GRB2: variants seen among roughly 807,000 people sequenced by gnomAD.
GRB2 encodes the protein growth factor receptor bound protein 2.
In GRB2, 2 loss-of-function variants were observed where a neutral mutation model predicts 27.4. The observed-to-expected ratio is 0.07, with a 90% CI of 0.03 to 0.23. The LOEUF (loss-of-function observed/expected upper bound fraction) is 0.23. Ranked by LOEUF, GRB2 falls within the 10% of genes least tolerant of loss-of-function variation. The pLI is 1.00. For synonymous variants in GRB2, 94 were observed against 99.6 expected, an observed-to-expected ratio of 0.94 and a Z score of 0.33; for missense variants, 102 against 282.4, an observed-to-expected ratio of 0.36 and a Z score of 4.58.
Position 75,332,738 on chromosome 17 carries a change from G to A in GRB2, c.138C>T (p.Gly46=), listed in dbSNP as rs1391676629. ...WYKAELNGKD[G]FIPKNYIEMK... ...TTTCTATGTAGTTCTTGGGAATGAA[G>A]CCGTCTTTTCCATTAAGCTCTGCCT... The change falls in exon 3 of 6, where the codon GGC becomes GGT. Residue 46 remains glycine, a synonymous_variant. Coordinates refer to ENST00000316804, the MANE Select transcript of GRB2 (RefSeq NM_002086.5). 8 of 1,611,540 alleles carry A rather than the reference G, an allele frequency of 5.0e-6. No individual in the cohort carries two copies. The highest frequency in any genetic ancestry group is 6.8e-6 in the Non-Finnish European group (8 of 1,178,186).
intron 2 of GRB2, among the ~76,000 whole-genome samples, chr17:75,349,108 C>T (rs992446807): frequency 1.3e-5 from 2 of 152,214 alleles, no homozygotes; most frequent in Non-Finnish European, 2.9e-5. Flanking sequence ...CAGCTTATAA[C>T]AGGTGAGAGG....
chr17:75,339,866 C>T (rs542348341), intron 2 of GRB2, among the ~76,000 whole-genome samples: 21 of 152,186 alleles, frequency 1.4e-4, no homozygotes, highest in Middle Eastern at 3.4e-3. Flanking sequence ...TGACCTCAGG[C>T]GATCCACCCG....
chr17:75,330,610 G>T (rs564633257), intron 3 of GRB2, among the ~76,000 whole-genome samples: 5 of 152,112 alleles, frequency 3.3e-5, no homozygotes. Flanking sequence ...GCAGGCGGAG[G>T]TTGCAGTGAG....
intron 4 of GRB2, 45 bp from the exon 5 acceptor site, chr17:75,321,872 T>C: frequency 6.3e-7 from 1 of 1,595,908 alleles, no homozygotes; most frequent in Non-Finnish European, 8.5e-7. Flanking sequence ...AGGCTCTAAC[T>C]TGGCAAATCG....
At chr17:75,323,832 T>C (rs1489732973) in intron 4 of GRB2, among the ~76,000 whole-genome samples, 1 of 151,580 alleles carries the variant, frequency 6.6e-6, no homozygotes, top group Non-Finnish European at 1.5e-5. Context: ...TAAAGATGGA[T>C]GGAGTCTTGC....
intron 3 of GRB2, among the ~76,000 whole-genome samples, chr17:75,331,480 C>T: frequency 6.6e-6 from 1 of 152,150 alleles, no homozygotes; most frequent in East Asian, 1.9e-4. Flanking sequence ...ACCCGAAACA[C>T]TGAAGAAAAA....
At chr17:75,339,909 G>A (rs980986369) in intron 2 of GRB2, among the ~76,000 whole-genome samples, 2 of 152,156 alleles carry the variant, frequency 1.3e-5, no homozygotes, top group African/African-American at 2.4e-5. Flanking sequence ...GATTACAGGC[G>A]TTAGCCACGG....
At chr17:75,331,027 A>C (rs1249439441) in intron 3 of GRB2, among the ~76,000 whole-genome samples, 2 of 152,022 alleles carry the variant, frequency 1.3e-5, no homozygotes, top group African/African-American at 4.8e-5. Flanking sequence ...CAAACAAACA[A>C]ACAAAAAAAC....
At chr17:75,382,696 C>A (rs1173175771) in intron 2 of GRB2, among the ~76,000 whole-genome samples, 2 of 136,554 alleles carry the variant, frequency 1.5e-5, no homozygotes, top group African/African-American at 5.0e-5. Context: ...CTATGGCATC[C>A]TAAGATTTTT....
chr17:75,368,263 T>C (rs1442492179), intron 2 of GRB2, among the ~76,000 whole-genome samples: 1 of 146,604 alleles, frequency 6.8e-6, no homozygotes, highest in African/African-American at 2.5e-5. Context: ...TCACCCAGGC[T>C]AGAGTGCAGT....
At position 75,340,366 on chromosome 17, in the gene GRB2, T is replaced by C. The variant is rs2078612675; in HGVS notation, c.79-7569A>G. On this transcript the variant is annotated intron_variant, in intron 2 of 5. Coordinates refer to ENST00000316804, the MANE Select transcript of GRB2 (RefSeq NM_002086.5). Reference sequence around the variant, plus strand: ...TAAGCCAGTGAGGTGTCCCCAGTTCTTCAAAGAACCCAGATAAAACTAGTC... The same window carrying C: ...TAAGCCAGTGAGGTGTCCCCAGTTCCTCAAAGAACCCAGATAAAACTAGTC... Among the ~76,000 whole-genome samples, 4 of 152,218 alleles carry C rather than the reference T, an allele frequency of 2.6e-5. No individual in the cohort carries two copies. In the South Asian group the frequency reaches 6.2e-4, roughly 24 times the overall value.
At chr17:75,395,469 G>A (rs2079023601) in intron 1 of GRB2, among the ~76,000 whole-genome samples, 1 of 152,150 alleles carries the variant, frequency 6.6e-6, no homozygotes, top group Admixed American at 6.6e-5. Flanking sequence ...TAGTTACTTT[G>A]ATCAAACTAA....
intron 1 of GRB2, among the ~76,000 whole-genome samples, chr17:75,394,573 A>G (rs915401503): frequency 7.2e-5 from 11 of 152,220 alleles, no homozygotes; most frequent in African/African-American, 2.7e-4. Context: ...ACCAAGGCTC[A>G]GCACTCCAGA....
intron 4 of GRB2, among the ~76,000 whole-genome samples, chr17:75,324,534 TTG>T (rs1491449588): frequency 0.023 from 2,391 of 103,586 alleles, 489 homozygotes; most frequent in Non-Finnish European, 0.038. Flanking sequence ...TTTTTTTTTT[TTG>T]GAGACAGAGT....
chr17:75,393,376 CTT>C, intron 2 of GRB2, 173 bp downstream of exon 2: 1 of 633,676 alleles, frequency 1.6e-6, no homozygotes, highest in South Asian at 1.8e-5. Flanking sequence ...CACCAACTCA[CTT>C]AAGTCATATT....
At chr17:75,354,811 A>G (rs192121220) in intron 2 of GRB2, among the ~76,000 whole-genome samples, 1 of 152,250 alleles carries the variant, frequency 6.6e-6, no homozygotes. Flanking sequence ...AACTTCTCAT[A>G]GCTGATGAAT....
chr17:75,386,211 C>T (rs973491111), intron 2 of GRB2, among the ~76,000 whole-genome samples: 7 of 151,958 alleles, frequency 4.6e-5, no homozygotes, highest in Admixed American at 2.6e-4. Flanking sequence ...CTCTGCCTCC[C>T]GAGTTCAAGC....
At chr17:75,395,840 GT>G (rs11344182) in intron 1 of GRB2, among the ~76,000 whole-genome samples, 122,329 of 139,552 alleles carry the variant, frequency 0.88, 53,948 homozygotes, top group Non-Finnish European at 0.94. Context: ...TACTTTTTGT[GT>G]TTTTTTTTTT....
intron 1 of GRB2, among the ~76,000 whole-genome samples, chr17:75,402,544 C>T (rs1308011196): frequency 6.6e-6 from 1 of 152,134 alleles, no homozygotes; most frequent in African/African-American, 2.4e-5. Context: ...TTTATGGCTG[C>T]ATTTGGTAAC....
Sources: gnomAD v4.1 joint callset for allele counts (sites outside exome capture counted in the v4.1 genomes callset) on GRCh38, gnomAD v4.1.1 for gene constraint, MANE v1.5 for transcripts, NCBI Gene and HGNC (gene_info 2026-07-23, HGNC 2026-07-21) for gene names.